The following LSM14A variants were observed in gnomAD, a reference collection of about 807,000 sequenced individuals.
The protein encoded by LSM14A is LSM14A mRNA processing body assembly factor, also known as protein LSM14 homolog A.
A neutral mutation model predicts 52.4 loss-of-function variants in LSM14A; 14 were observed. The ratio of observed to expected loss-of-function variants is 0.27; its 90% CI spans 0.18 to 0.42. The LOEUF (loss-of-function observed/expected upper bound fraction) is 0.42, where lower values mean the gene tolerates loss of function less well. Among genes scored for constraint, LSM14A ranks in the 10% least tolerant of loss-of-function variants. The pLI is 1.00. For missense variants in LSM14A, 417 were observed against 581.8 expected (o/e 0.72, Z 2.91); for synonymous variants, 185 against 200.3 (o/e 0.92, Z 0.64).
intron 1 of LSM14A, among the ~76,000 whole-genome samples, chr19:34,191,537 C>T (rs1419333264): frequency 6.6e-6 from 1 of 151,584 alleles, no homozygotes; most frequent in Non-Finnish European, 1.5e-5. Flanking sequence ...CCCTTCTTTC[C>T]ATCTTTCCTG....
intron 1 of LSM14A, among the ~76,000 whole-genome samples, chr19:34,186,028 A>C (rs2069884936): frequency 2.0e-5 from 3 of 152,188 alleles, no homozygotes; most frequent in Admixed American, 6.5e-5. Context: ...AACACTGTTC[A>C]GTACTTTGGA....
Position 34,173,734 on chromosome 19 carries a change from A to G in LSM14A, c.121+971A>G, listed in dbSNP as rs536889172. ...TGTAAAATACTTTGAGGGAAGCTAG[A>G]TAACCTAGGTGATTTTCCCAGCACT... On this transcript the variant is annotated intron_variant, in intron 1 of 9. Transcript: ENST00000544216. Among the ~76,000 whole-genome samples, 4 of 152,306 alleles carry G rather than the reference A, an allele frequency of 2.6e-5. 1 individual carries two copies. The South Asian group carries it at 8.3e-4, about 32-fold the overall frequency.
rs556252603 is a variant in LSM14A, at chr19:34,198,871, C to T, written c.415+2108C>T. 4.0e-4 allele frequency among the ~76,000 whole-genome samples: 61 copies of T among 151,854 alleles called. No homozygotes were observed. The South Asian group carries it at 0.013, about 32-fold the overall frequency. On this transcript the variant is annotated intron_variant, in intron 3 of 9. Coordinates refer to ENST00000544216, the MANE Select transcript of LSM14A (RefSeq NM_015578.4). ...GCGTGGTGGTGGGCGCCTGTAGTTCCAGCTACTCGGGAGGCTGAGGCAGGA... is the reference window on the plus strand; with the variant it reads ...GCGTGGTGGTGGGCGCCTGTAGTTCTAGCTACTCGGGAGGCTGAGGCAGGA...
chr19:34,185,596 C>A (rs2069838019), intron 1 of LSM14A, among the ~76,000 whole-genome samples: 1 of 152,162 alleles, frequency 6.6e-6, no homozygotes, highest in Non-Finnish European at 1.5e-5. Flanking sequence ...ACCTTTCTAC[C>A]ATGCTACCTT....
chr19:34,224,139 G>A (rs992145108), intron 9 of LSM14A, among the ~76,000 whole-genome samples: 13 of 152,088 alleles, frequency 8.5e-5, no homozygotes, highest in African/African-American at 3.1e-4. Flanking sequence ...GACCAGCCTG[G>A]CTAACATGGT....
chr19:34,217,625 T>C, intron 6 of LSM14A, among the ~76,000 whole-genome samples: 1 of 111,304 alleles, frequency 9.0e-6, no homozygotes, highest in Non-Finnish European at 1.8e-5. Context: ...CCGTGTTTTT[T>C]TTTTTTTTTT....
chr19:34,209,144 G>A (rs1269670787), intron 4 of LSM14A, 93 bp downstream of exon 4: 30 of 1,103,668 alleles, frequency 2.7e-5, no homozygotes, highest in African/African-American at 1.3e-4. Flanking sequence ...CTTGTAAATC[G>A]CGTGTATAAT....
chr19:34,181,270 A>G (rs113677569), intron 1 of LSM14A, among the ~76,000 whole-genome samples: 7 of 152,054 alleles, frequency 4.6e-5, no homozygotes, highest in African/African-American at 1.7e-4. Context: ...TATTTCTTCT[A>G]CCTTAAGAAC....
intron 1 of LSM14A, among the ~76,000 whole-genome samples, chr19:34,178,557 C>A (rs1330433603): frequency 6.6e-6 from 1 of 152,186 alleles, no homozygotes; most frequent in East Asian, 1.9e-4. Flanking sequence ...ACTTAATCTT[C>A]TTTGCTTATT....
At position 34,207,465 on chromosome 19, in the gene LSM14A, A is replaced by G. The variant is rs77400427; in HGVS notation, c.416-1464A>G. 3.6e-3 allele frequency among the ~76,000 whole-genome samples: 540 copies of G among 151,888 alleles called. 5 individuals carry two copies. The highest frequency in any genetic ancestry group is 0.012 in the African/African-American group (514 of 41,404). ...CTTACTGGAGCTGCAGCCAGACTGGACTGCACCTCCAAGGGAGTCCCAGTG... is the reference window on the plus strand; with the variant it reads ...CTTACTGGAGCTGCAGCCAGACTGGGCTGCACCTCCAAGGGAGTCCCAGTG... On this transcript the variant is annotated intron_variant, in intron 3 of 9. Transcript: ENST00000544216.
chr19:34,200,709 T>C (rs2071228021), intron 3 of LSM14A, among the ~76,000 whole-genome samples: 1 of 152,194 alleles, frequency 6.6e-6, no homozygotes, highest in African/African-American at 2.4e-5. Flanking sequence ...TTACTTTAGG[T>C]GAAATAGTGT....
chr19:34,207,169 G>C (rs1301390037), intron 3 of LSM14A, among the ~76,000 whole-genome samples: 5 of 152,182 alleles, frequency 3.3e-5, no homozygotes, highest in Non-Finnish European at 7.4e-5. Flanking sequence ...AGTAGAGCGA[G>C]GGGGGTGTGG....
At chr19:34,189,401 G>A (rs2070181669) in intron 1 of LSM14A, among the ~76,000 whole-genome samples, 1 of 152,158 alleles carries the variant, frequency 6.6e-6, no homozygotes, top group Non-Finnish European at 1.5e-5. Context: ...CTTGAGAATA[G>A]GAACTGGTTT....
At chr19:34,215,351 A>C in intron 5 of LSM14A, 51 bp downstream of exon 5, 1 of 1,478,030 alleles carries the variant, frequency 6.8e-7, no homozygotes, top group Non-Finnish European at 9.1e-7. Context: ...AATGTTTTCC[A>C]CTCACTTTAT....
chr19:34,178,249 C>T (rs1165828338), intron 1 of LSM14A, among the ~76,000 whole-genome samples: 1 of 152,026 alleles, frequency 6.6e-6, no homozygotes, highest in Non-Finnish European at 1.5e-5. Flanking sequence ...ACCACATAAT[C>T]AAAAGCCTAA....
At chr19:34,205,707 G>A (rs1015327195) in intron 3 of LSM14A, among the ~76,000 whole-genome samples, 2 of 151,576 alleles carry the variant, frequency 1.3e-5, no homozygotes, top group Admixed American at 6.6e-5. Flanking sequence ...AGGACGCCAG[G>A]GGACAGCTAG....
chr19:34,196,730 T>C lies in LSM14A; in HGVS notation c.382T>C (p.Leu128=), dbSNP rs201507991. ...ATACAGTCAGTTCAGTCCGAGTTCC[T>C]TAGTTGGGCAGCAGTTTGGTGCTGT... ...PTYSQFSPSS[L]VGQQFGAVGV... Residue 128 remains leucine, a synonymous_variant, in exon 3 of 10, where the codon TTA becomes CTA. Transcript: ENST00000544216. 8.1e-6 allele frequency: 13 copies of C among 1,612,592 alleles called. No homozygotes were observed. In the East Asian group the frequency reaches 2.9e-4, roughly 36 times the overall value.
intron 1 of LSM14A, among the ~76,000 whole-genome samples, chr19:34,183,191 G>C (rs2069625586): frequency 6.6e-6 from 1 of 152,172 alleles, no homozygotes; most frequent in Non-Finnish European, 1.5e-5. Flanking sequence ...TAGCAAACTG[G>C]ACATGCTTTT....
chr19:34,195,979 C>T (rs1245425962), intron 2 of LSM14A, among the ~76,000 whole-genome samples: 1 of 152,152 alleles, frequency 6.6e-6, no homozygotes, highest in Non-Finnish European at 1.5e-5. Flanking sequence ...CAGAAAAGGT[C>T]CTGCCATCAG....
Sources: gnomAD v4.1 joint callset for allele counts (sites outside exome capture counted in the v4.1 genomes callset) on GRCh38, gnomAD v4.1.1 for gene constraint, MANE v1.5 for transcripts, NCBI Gene and HGNC (gene_info 2026-07-23, HGNC 2026-07-21) for gene names.